The following FLYWCH2 variants were observed in gnomAD, a reference collection of about 807,000 sequenced individuals.
FLYWCH2 encodes the protein FLYWCH family member 2.
In FLYWCH2, 2 loss-of-function variants were observed where a neutral mutation model predicts 6.0. That is an observed-to-expected ratio of 0.33 (90% CI 0.14 to 1.04). The LOEUF is 1.04. Among genes scored for constraint, FLYWCH2 ranks in the 50% least tolerant of loss-of-function variants. The pLI is 0.45. For synonymous variants in FLYWCH2, 87 were observed against 79.3 expected (o/e 1.10, Z -0.52); for missense variants, 192 against 183.4 (o/e 1.05, Z -0.27).
At chr16:2,893,634 C>CTTTTTTT (rs35147234) in intron 1 of FLYWCH2, among the ~76,000 whole-genome samples, 13 of 111,906 alleles carry the variant, frequency 1.2e-4, no homozygotes, top group Admixed American at 2.0e-4. Context: ...TTCTTTTCTT[C>CTTTTTTT]TTTTTTTTTT....
intron 3 of FLYWCH2, 69 bp from the exon 4 acceptor site, chr16:2,898,980 C>T: frequency 2.3e-6 from 3 of 1,291,196 alleles, no homozygotes; most frequent in South Asian, 1.4e-5. Context: ...GCCTGGTAGA[C>T]CCCCAACAGC....
intron 1 of FLYWCH2, among the ~76,000 whole-genome samples, chr16:2,890,227 TG>T (rs1331909396): frequency 0.037 from 3,880 of 105,314 alleles, 152 homozygotes; most frequent in African/African-American, 0.14. Context: ...TTTTTGTTTT[TG>T]TTTTTTTTTT....
At chr16:2,894,658 A>G (rs760614116) in intron 1 of FLYWCH2, among the ~76,000 whole-genome samples, 36 of 152,360 alleles carry the variant, frequency 2.4e-4, no homozygotes, top group Middle Eastern at 3.4e-3. Flanking sequence ...CTCTGCAGTC[A>G]TGTGACTCGC....
At chr16:2,898,164 A>G (rs557386356) in intron 3 of FLYWCH2, among the ~76,000 whole-genome samples, 2 of 152,268 alleles carry the variant, frequency 1.3e-5, no homozygotes, top group East Asian at 3.9e-4. Context: ...GAGACCCCAG[A>G]ATGCCTGAGA....
intron 1 of FLYWCH2, among the ~76,000 whole-genome samples, chr16:2,892,148 C>G (rs191613156): frequency 2.6e-5 from 4 of 151,760 alleles, no homozygotes; most frequent in Admixed American, 2.0e-4. Context: ...GCTGAGATTG[C>G]GACATTGCAC....
rs748569589 is a variant in FLYWCH2, at chr16:2,896,680, C to T, written c.231C>T (p.Ala77=). The T allele has an allele frequency of 2.2e-5, 35 of 1,613,008 alleles. 1 individual carries two copies. In the East Asian group the frequency reaches 5.6e-4, roughly 26 times the overall value. Residue 77 remains alanine, a synonymous_variant, in exon 3 of 4, where the codon GCC becomes GCT. Transcript: ENST00000396958. The part of the protein sequence containing the change: ...SLGVPGPATL[A]KALLQTHPEA... ...GGGTGCCCGGCCCCGCCACCCTTGCCAAGGCCCTCCTCCAGACCCACCCCG... is the reference window on the plus strand; with the variant it reads ...GGGTGCCCGGCCCCGCCACCCTTGCTAAGGCCCTCCTCCAGACCCACCCCG...
intron 1 of FLYWCH2, among the ~76,000 whole-genome samples, chr16:2,893,394 AT>A (rs2069781295): frequency 6.6e-6 from 1 of 152,166 alleles, no homozygotes; most frequent in Non-Finnish European, 1.5e-5. Context: ...GATTCCAGGA[AT>A]TTTAGGAATT....
intron 3 of FLYWCH2, among the ~76,000 whole-genome samples, chr16:2,898,185 C>T (rs1291266884): frequency 1.3e-5 from 2 of 152,166 alleles, no homozygotes; most frequent in African/African-American, 2.4e-5. Context: ...TGGTGGTGTC[C>T]GCAGCCACAG....
At chr16:2,898,335 C>G (rs553199050) in intron 3 of FLYWCH2, among the ~76,000 whole-genome samples, 1 of 152,180 alleles carries the variant, frequency 6.6e-6, no homozygotes, top group Non-Finnish European at 1.5e-5. Flanking sequence ...GCTCTTACTG[C>G]GAAGCCCCCA....
chr16:2,893,189 T>C (rs1256851478), intron 1 of FLYWCH2, among the ~76,000 whole-genome samples: 2 of 151,998 alleles, frequency 1.3e-5, no homozygotes, highest in South Asian at 4.1e-4. Flanking sequence ...ATAGGCATGA[T>C]TGATTGAACT....
intron 1 of FLYWCH2, among the ~76,000 whole-genome samples, chr16:2,894,639 C>T (rs542156759): frequency 6.6e-6 from 1 of 152,224 alleles, no homozygotes; most frequent in East Asian, 1.9e-4. Context: ...GACCCCGATC[C>T]CTGCGGTACT....
intron 1 of FLYWCH2, among the ~76,000 whole-genome samples, chr16:2,894,888 G>T (rs1368147964): frequency 6.6e-6 from 1 of 152,170 alleles, no homozygotes; most frequent in Non-Finnish European, 1.5e-5. Flanking sequence ...CCTCAGGACA[G>T]ACGCATTGGG....
intron 3 of FLYWCH2, among the ~76,000 whole-genome samples, chr16:2,897,198 C>A (rs1338086435): frequency 6.6e-6 from 1 of 152,178 alleles, no homozygotes; most frequent in Non-Finnish European, 1.5e-5. Context: ...CACTTAGTAA[C>A]ATCCACTGAA....
In FLYWCH2 at chr16:2,899,159, C is replaced by A. The variant is rs763467628; in HGVS notation, c.*10C>A. 3.7e-6 allele frequency: 6 copies of A among 1,606,716 alleles called. No individual in the cohort carries two copies. In the African/African-American group the frequency reaches 4.0e-5, roughly 11 times the overall value. On this transcript the variant is annotated 3_prime_UTR_variant, in exon 4 of 4. Coordinates refer to ENST00000396958, the MANE Select transcript of FLYWCH2 (RefSeq NM_138439.3). ...CGGCAAGTCCCTGTAACCTTGACAA[C>A]AGGCGCATCCTCCCAGGCCACCAAC...
Position 2,896,417 on chromosome 16 carries a change from G to T in FLYWCH2, c.-33G>T, listed in dbSNP as rs751482839. 1.0e-5 allele frequency: 16 copies of T among 1,580,606 alleles called. No individual in the cohort carries two copies. In the African/African-American group the frequency reaches 2.2e-4, roughly 21 times the overall value. On this transcript the variant is annotated 5_prime_UTR_variant, in exon 3 of 4. Transcript: ENST00000396958. ...GAGAAATCCACCTGCTGGGGGCTGAGTGTGGCCTGAGGGACAGGCCCTGGG... is the reference window on the plus strand; with the variant it reads ...GAGAAATCCACCTGCTGGGGGCTGATTGTGGCCTGAGGGACAGGCCCTGGG...
At chr16:2,885,297 A>G (rs1415249903) in intron 1 of FLYWCH2, among the ~76,000 whole-genome samples, 1 of 152,182 alleles carries the variant, frequency 6.6e-6, no homozygotes, top group Non-Finnish European at 1.5e-5. Context: ...AGCCTGGGCG[A>G]CAGAGCGAGA....
At chr16:2,887,805 G>A (rs985763721) in intron 1 of FLYWCH2, among the ~76,000 whole-genome samples, 1 of 151,692 alleles carries the variant, frequency 6.6e-6, no homozygotes, top group Admixed American at 6.6e-5. Flanking sequence ...GGGTTCAAGC[G>A]ATCCTCCTAC....
At chr16:2,897,528 C>T (rs62032291) in intron 3 of FLYWCH2, among the ~76,000 whole-genome samples, 190 of 152,278 alleles carry the variant, frequency 1.2e-3, no homozygotes, top group Non-Finnish European at 2.3e-3. Flanking sequence ...TGCTCCCACT[C>T]CCCAGGGCCC....
intron 3 of FLYWCH2, among the ~76,000 whole-genome samples, chr16:2,897,808 C>T (rs1288986757): frequency 6.6e-6 from 1 of 152,162 alleles, no homozygotes; most frequent in Non-Finnish European, 1.5e-5. Context: ...GCTGGGTACA[C>T]CTTTTGAACT....
Sources: allele counts gnomAD v4.1 joint callset (sites outside exome capture counted in the v4.1 genomes callset), GRCh38; gene constraint gnomAD v4.1.1; transcripts MANE v1.5; gene names NCBI Gene and HGNC (gene_info 2026-07-23, HGNC 2026-07-21).